GRK5: variants seen among roughly 807,000 people sequenced by gnomAD.
GRK5 encodes g protein-coupled receptor kinase GRK5.
Under a neutral mutation model 78.4 loss-of-function variants are expected in GRK5, and 40 were observed. That is an observed-to-expected ratio of 0.51 (90% CI 0.40 to 0.66). GRK5 has a LOEUF of 0.66. GRK5 is among the 30% of genes least tolerant of loss of function. GRK5 has a pLI of 0.00. For synonymous variants in GRK5, 289 were observed against 296.8 expected (o/e 0.97, Z 0.27); for missense variants, 598 against 759.9 (o/e 0.79, Z 2.50).
intron 2 of GRK5, among the ~76,000 whole-genome samples, chr10:119,361,859 G>A (rs139662143): frequency 2.6e-5 from 4 of 151,852 alleles, no homozygotes; most frequent in South Asian, 2.1e-4. Context: ...TGCTCGGGAG[G>A]CTGAGGCAGG....
chr10:119,395,930 C>T (rs1852043637), intron 3 of GRK5, among the ~76,000 whole-genome samples: 1 of 152,134 alleles, frequency 6.6e-6, no homozygotes, highest in Non-Finnish European at 1.5e-5. Context: ...GATGGCAGCC[C>T]CTGTTCTCCT....
In GRK5 at chr10:119,379,075, C is replaced by T. The variant is rs897838381; in HGVS notation, c.149-1740C>T. The stretch of plus-strand genomic sequence containing the variant: ...GAGGCTTGGGTTGAATTGGTGCAGA[C>T]TGGGAGAAAGGAGGTTCCCTAAAGG... On this transcript the variant is annotated intron_variant, in intron 2 of 15. Transcript: ENST00000392870. This position sits in a 1 kb window ranked among gnomAD's most constrained non-coding sequence, Gnocchi z 4.1. Among the ~76,000 whole-genome samples, 1 of 152,164 alleles carries T rather than the reference C, an allele frequency of 6.6e-6. No individual in the cohort carries two copies. The highest frequency in any genetic ancestry group is 1.5e-5 in the Non-Finnish European group (1 of 68,032).
At chr10:119,403,057 G>A (rs1285052634) in intron 4 of GRK5, among the ~76,000 whole-genome samples, 2 of 152,136 alleles carry the variant, frequency 1.3e-5, no homozygotes, top group Non-Finnish European at 2.9e-5. Context: ...GTCACTCCCT[G>A]TTCCCCTTTC....
In GRK5 at chr10:119,430,255, G is replaced by T. The variant is rs1222582152; in HGVS notation, c.534-120G>T. 3.1e-5 allele frequency: 26 copies of T among 829,898 alleles called. No individual in the cohort carries two copies. Among genetic ancestry groups the T allele is most frequent in the Non-Finnish European group, 5.4e-5 (26 of 485,716 alleles). 51.4% of individuals were successfully genotyped at this position (829,898 alleles called of 1,614,324 possible). Reference sequence around the variant, plus strand: ...AGCGATGATTCCTGGGGGGTCCCTGGGGCTGCTGTGGGGCTCCTGGAATTA... The same window carrying T: ...AGCGATGATTCCTGGGGGGTCCCTGTGGCTGCTGTGGGGCTCCTGGAATTA... On this transcript the variant is annotated intron_variant, in intron 6 of 15. Transcript: ENST00000392870. The surrounding 1 kb of genome is among the most constrained non-coding windows in gnomAD (Gnocchi z 4.5).
intron 1 of GRK5, among the ~76,000 whole-genome samples, chr10:119,300,031 T>C (rs1242764624): frequency 1.3e-5 from 2 of 152,136 alleles, no homozygotes; most frequent in African/African-American, 2.4e-5. Context: ...GAAGCAGCCT[T>C]TTCTTCCTGG....
chr10:119,212,564 C>T (rs1180107541), intron 1 of GRK5, among the ~76,000 whole-genome samples: 1 of 152,196 alleles, frequency 6.6e-6, no homozygotes, highest in East Asian at 1.9e-4. Context: ...CAATCCATAT[C>T]TGGGATGTTT....
chr10:119,328,211 A>C (rs757854553), intron 2 of GRK5, among the ~76,000 whole-genome samples: 1 of 152,168 alleles, frequency 6.6e-6, no homozygotes, highest in Non-Finnish European at 1.5e-5. Flanking sequence ...CTTGATGATC[A>C]GCTTTTCTGC....
At chr10:119,304,284 C>CTTTTTTTTTTTTTTTTTTTTTT in intron 1 of GRK5, among the ~76,000 whole-genome samples, 1 of 75,042 alleles carries the variant, frequency 1.3e-5, no homozygotes, top group Non-Finnish European at 2.5e-5. Context: ...GTGTGAGCTG[C>CTTTTTTTTTTTTTTTTTTTTTT]TTTTTTTTTT....
At chr10:119,325,520 C>A (rs1219093405) in intron 1 of GRK5, among the ~76,000 whole-genome samples, 1 of 152,170 alleles carries the variant, frequency 6.6e-6, no homozygotes, top group Admixed American at 6.5e-5. Flanking sequence ...TCCTGATAAC[C>A]AAGGGGCACA....
Position 119,452,617 on chromosome 10 carries a change from G to A in GRK5, c.1405-54G>A. The A allele has an allele frequency of 6.2e-7, 1 of 1,608,742 alleles. No individual in the cohort carries two copies. Among genetic ancestry groups the A allele is most frequent in the Admixed American group, 1.7e-5 (1 of 59,862 alleles). ...CCAAAACCCCAAGGCCTGGCTCGGG[G>A]CCACTGGAGCCGCAGGCGGGACATA... On this transcript the variant is annotated intron_variant, in intron 13 of 15. Coordinates refer to ENST00000392870, the MANE Select transcript of GRK5 (RefSeq NM_005308.3). The surrounding 1 kb of genome is among the most constrained non-coding windows in gnomAD (Gnocchi z 4.4).
chr10:119,261,764 C>T (rs1286615876), intron 1 of GRK5, among the ~76,000 whole-genome samples: 3 of 152,070 alleles, frequency 2.0e-5, no homozygotes, highest in East Asian at 1.9e-4. Flanking sequence ...TCAGGCGTGG[C>T]GGCGCGCGCC....
intron 1 of GRK5, among the ~76,000 whole-genome samples, chr10:119,316,796 A>G (rs1248131832): frequency 6.6e-6 from 1 of 152,122 alleles, no homozygotes; most frequent in Admixed American, 6.5e-5. Context: ...TTACTGGAGC[A>G]TCATGATTTT....
chr10:119,266,611 A>G (rs1849502618), intron 1 of GRK5, among the ~76,000 whole-genome samples: 1 of 152,218 alleles, frequency 6.6e-6, no homozygotes, highest in Non-Finnish European at 1.5e-5. Context: ...GGGCTGGCCA[A>G]GGGAACCCGC....
chr10:119,415,546 G>A (rs1206010224), intron 4 of GRK5, among the ~76,000 whole-genome samples: 1 of 152,234 alleles, frequency 6.6e-6, no homozygotes, highest in Non-Finnish European at 1.5e-5. Flanking sequence ...AGACCTGTGA[G>A]GAGCCTCCTC....
At chr10:119,341,728 A>G (rs1415964170) in intron 2 of GRK5, among the ~76,000 whole-genome samples, 2 of 152,066 alleles carry the variant, frequency 1.3e-5, no homozygotes, top group Non-Finnish European at 2.9e-5. Flanking sequence ...TGTACCAGGC[A>G]CTTGTAGAAT....
intron 1 of GRK5, among the ~76,000 whole-genome samples, chr10:119,287,484 C>T (rs1003279999): frequency 1.3e-5 from 2 of 152,002 alleles, no homozygotes; most frequent in African/African-American, 4.8e-5. Flanking sequence ...CTACATCTGT[C>T]CGTCCATTAT....
chr10:119,395,315 C>T (rs1374059228), intron 3 of GRK5, among the ~76,000 whole-genome samples: 2 of 152,226 alleles, frequency 1.3e-5, no homozygotes, highest in South Asian at 2.1e-4. Context: ...TGGTTGGAAA[C>T]GAGCCTGGCT....
chr10:119,370,510 T>C (rs749733332), intron 2 of GRK5, among the ~76,000 whole-genome samples: 2 of 152,206 alleles, frequency 1.3e-5, no homozygotes, highest in Non-Finnish European at 1.5e-5. Flanking sequence ...AACATCTTTC[T>C]TGAAGTAATA....
chr10:119,208,613 T>C (rs1848429318), intron 1 of GRK5: 1 of 152,164 alleles, frequency 6.6e-6, no homozygotes, highest in South Asian at 2.1e-4. Context: ...GTGTGATAAC[T>C]GAAATTGTTA....
Sources: gnomAD v4.1 joint callset for allele counts (sites outside exome capture counted in the v4.1 genomes callset) on GRCh38, gnomAD v4.1.1 for gene constraint, Gnocchi (gnomAD v3.1) non-coding constraint, MANE v1.5 for transcripts, NCBI Gene and HGNC (gene_info 2026-07-23, HGNC 2026-07-21) for gene names.